Variants in RTKN2 observed in about 807,000 individuals in gnomAD.
RTKN2 encodes rhotekin-2.
RTKN2 carries 69 observed loss-of-function variants against 71.5 expected under a neutral mutation model. That is an observed-to-expected ratio of 0.96 (90% CI 0.79 to 1.18). The LOEUF (loss-of-function observed/expected upper bound fraction) is 1.18, where lower values mean the gene tolerates loss of function less well. Among genes scored for constraint, RTKN2 ranks in the 50% most tolerant of loss-of-function variants. RTKN2 has a pLI of 0.00. For missense variants in RTKN2, 724 were observed against 719.7 expected (o/e 1.01, Z -0.07); for synonymous variants, 236 against 236.5 (o/e 1.00, Z 0.02).
intron 9 of RTKN2, among the ~76,000 whole-genome samples, chr10:62,211,486 T>C (rs7092746): frequency 0.76 from 115,630 of 152,092 alleles, 44,043 homozygotes; most frequent in East Asian, 0.9. Flanking sequence ...ACCTTAGCAA[T>C]TGTGAAATTT....
intron 9 of RTKN2, among the ~76,000 whole-genome samples, chr10:62,214,406 A>G (rs1841724557): frequency 6.6e-6 from 1 of 152,164 alleles, no homozygotes; most frequent in African/African-American, 2.4e-5. Flanking sequence ...GTAATGGCCA[A>G]TTGTGGAAGA....
chr10:62,223,256 G>A lies in RTKN2; in HGVS notation c.763C>T (p.Leu255=), dbSNP rs774152424. 1 of 1,602,662 alleles carries A rather than the reference G, an allele frequency of 6.2e-7. No individual in the cohort carries two copies. The highest frequency in any genetic ancestry group is 1.7e-5 in the Admixed American group (1 of 59,986). Residue 255 remains leucine, a synonymous_variant, in exon 7 of 12, where the codon CTG becomes TTG. Coordinates refer to ENST00000373789, the MANE Select transcript of RTKN2 (RefSeq NM_145307.4). The part of the protein sequence containing the change: ...SAEDSFKTHN[L]SINGNEESSF... ...TACTTACCATTTCCATTAATAGACA[G>A]ATTATGGGTCTTGAAACTATCCTCA...
At chr10:62,221,268 A>T (rs1841899792) in intron 7 of RTKN2, among the ~76,000 whole-genome samples, 2 of 152,068 alleles carry the variant, frequency 1.3e-5, no homozygotes, top group South Asian at 4.1e-4. Context: ...AATAAGTATG[A>T]TTAATGAAAT....
intron 3 of RTKN2, among the ~76,000 whole-genome samples, chr10:62,242,013 CTTTT>C (rs34782333): frequency 2.7e-4 from 36 of 132,940 alleles, no homozygotes; most frequent in African/African-American, 8.4e-4. Context: ...AATTATTATA[CTTTT>C]TTTTTTTTTT....
At chr10:62,192,705 G>A (rs1329139604), downstream of RTKN2, among the ~76,000 whole-genome samples, 1 of 152,136 alleles carries the variant, frequency 6.6e-6, no homozygotes, top group South Asian at 2.1e-4. Context: ...ACTAGCAAGG[G>A]CCGGAGCACA....
chr10:62,237,997 T>C (rs1272106409), intron 5 of RTKN2, among the ~76,000 whole-genome samples: 2 of 151,830 alleles, frequency 1.3e-5, no homozygotes, highest in East Asian at 3.8e-4. Flanking sequence ...TTACTAACAA[T>C]AAAATATACT....
At chr10:62,250,116 A>T (rs1357068257) in intron 2 of RTKN2, among the ~76,000 whole-genome samples, 1 of 152,248 alleles carries the variant, frequency 6.6e-6, no homozygotes, top group Non-Finnish European at 1.5e-5. Flanking sequence ...CAGCTTGTAG[A>T]AGCCTTGCAT....
In RTKN2 at chr10:62,195,018, T is replaced by C; in HGVS notation, c.*2890A>G. 1.0e-6 allele frequency: 1 copy of C among 985,328 alleles called. No individual in the cohort carries two copies. The highest frequency in any genetic ancestry group is 1.2e-6 in the Non-Finnish European group (1 of 829,814). 61.0% of individuals were successfully genotyped at this position (985,328 alleles called of 1,614,324 possible). A position where few individuals can be genotyped will look rare whatever the true frequency, so the allele number is the denominator to read the frequency against. ...CTATTTACCTTAGGAGGTGTGCATT[T>C]AGAATTTTAAAAATGCCTTCTTTGC... is the stretch of plus-strand genomic sequence containing the variant. On this transcript the variant is annotated 3_prime_UTR_variant, in exon 12 of 12. Coordinates refer to ENST00000373789, the MANE Select transcript of RTKN2 (RefSeq NM_145307.4).
chr10:62,253,312 C>T (rs529700953), intron 2 of RTKN2, among the ~76,000 whole-genome samples: 1 of 152,024 alleles, frequency 6.6e-6, no homozygotes, highest in African/African-American at 2.4e-5. Flanking sequence ...TCGCAAGTAC[C>T]GAATGTACCA....
At chr10:62,208,688 A>C (rs942630590) in intron 9 of RTKN2, among the ~76,000 whole-genome samples, 7 of 152,140 alleles carry the variant, frequency 4.6e-5, no homozygotes, top group South Asian at 2.1e-4. Context: ...AACAAACAAA[A>C]AAACAAAAAA....
At chr10:62,244,722 C>CAAGG (rs1305767251) in intron 3 of RTKN2, among the ~76,000 whole-genome samples, 3 of 151,990 alleles carry the variant, frequency 2.0e-5, no homozygotes, top group African/African-American at 7.2e-5. Context: ...AAGGATAAAA[C>CAAGG]ATGTTTTGTT....
chr10:62,263,342 C>G (rs1214682075), intron 1 of RTKN2, among the ~76,000 whole-genome samples: 2 of 152,116 alleles, frequency 1.3e-5, no homozygotes, highest in Non-Finnish European at 2.9e-5. Flanking sequence ...TGGCAACAAT[C>G]AGAAGCTGGA....
At chr10:62,202,594 T>C (rs770136184) in intron 10 of RTKN2, among the ~76,000 whole-genome samples, 2 of 152,202 alleles carry the variant, frequency 1.3e-5, no homozygotes, top group East Asian at 1.9e-4. Flanking sequence ...AAAAATTACA[T>C]AGGTTGGCAG....
chr10:62,234,371 A>G (rs553446960), intron 6 of RTKN2, among the ~76,000 whole-genome samples: 71 of 152,158 alleles, frequency 4.7e-4, no homozygotes, highest in African/African-American at 1.7e-3. Context: ...CAAGAAAAAT[A>G]CAAAAATTAG....
At chr10:62,215,639 C>T (rs2132876327) in intron 9 of RTKN2, among the ~76,000 whole-genome samples, 1 of 151,994 alleles carries the variant, frequency 6.6e-6, no homozygotes, top group Admixed American at 6.6e-5. Flanking sequence ...AGAAATGTTA[C>T]GTTGTTTGCA....
intron 8 of RTKN2, among the ~76,000 whole-genome samples, chr10:62,217,882 A>G (rs1841810302): frequency 6.6e-6 from 1 of 151,432 alleles, no homozygotes; most frequent in Admixed American, 6.6e-5. Flanking sequence ...CTTTATGTGA[A>G]AGGTGTTGAG....
intron 3 of RTKN2, among the ~76,000 whole-genome samples, chr10:62,243,873 GT>G: frequency 6.6e-6 from 1 of 152,120 alleles, no homozygotes; most frequent in East Asian, 1.9e-4. Context: ...ATTTTCAAAA[GT>G]GAAAACTAAG....
chr10:62,259,220 T>C (rs1190098441), intron 2 of RTKN2: 2 of 453,616 alleles, frequency 4.4e-6, no homozygotes, highest in Non-Finnish European at 8.8e-6. Flanking sequence ...CCTTCTGCCA[T>C]GACTATGAGG....
chr10:62,197,686 T>A lies in RTKN2; in HGVS notation c.*222A>T. 7.4e-7 allele frequency: 1 copy of A among 1,345,142 alleles called. No individual in the cohort carries two copies. Among genetic ancestry groups the A allele is most frequent in the Non-Finnish European group, 9.5e-7 (1 of 1,053,224 alleles). 83.3% of individuals were successfully genotyped at this position (1,345,142 alleles called of 1,614,324 possible). ...AACAATTAGGATATTGTCTAGAAAC[T>A]GCCTCTTGCACACTGCTGGAGAAAT... On this transcript the variant is annotated 3_prime_UTR_variant, in exon 12 of 12. Coordinates refer to ENST00000373789, the MANE Select transcript of RTKN2 (RefSeq NM_145307.4).
Sources: gnomAD v4.1 joint callset for allele counts (sites outside exome capture counted in the v4.1 genomes callset) on GRCh38, gnomAD v4.1.1 for gene constraint, MANE v1.5 for transcripts, NCBI Gene and HGNC (gene_info 2026-07-23, HGNC 2026-07-21) for gene names.